PKP1: variants seen among roughly 807,000 people sequenced by gnomAD.
The protein encoded by PKP1 is plakophilin 1, also known as plakophilin-1.
In PKP1, 27 loss-of-function variants were observed where a neutral mutation model predicts 76.4. The ratio of observed to expected loss-of-function variants is 0.35; its 90% CI spans 0.26 to 0.49. The LOEUF (loss-of-function observed/expected upper bound fraction) is 0.49, where lower values mean the gene tolerates loss of function less well. Ranked by LOEUF, PKP1 falls within the 20% of genes least tolerant of loss-of-function variation. PKP1 has a pLI of 0.99. For missense variants in PKP1, 964 were observed against 955.2 expected (o/e 1.01, Z -0.12); for synonymous variants, 404 against 384.2 (o/e 1.05, Z -0.60).
chr1:201,284,546 G>A (rs1011767971), intron 1 of PKP1, among the ~76,000 whole-genome samples: 6 of 152,224 alleles, frequency 3.9e-5, no homozygotes, highest in Non-Finnish European at 8.8e-5. Flanking sequence ...GAGCAGGGAC[G>A]AGGGCCTGGA....
chr1:201,302,784 G>A (rs993032669), intron 2 of PKP1, among the ~76,000 whole-genome samples: 2 of 152,186 alleles, frequency 1.3e-5, no homozygotes, highest in Admixed American at 6.5e-5. Context: ...GCCCAAGGGC[G>A]AGGCCTGGAA....
At position 201,298,178 on chromosome 1, in the gene PKP1, T is replaced by C. The variant is rs10920166; in HGVS notation, c.306+4133T>C. Among the ~76,000 whole-genome samples the C allele has an allele frequency of 8.9e-3, 1,354 of 152,306 alleles. 22 individuals are homozygous for C. Among genetic ancestry groups the C allele is most frequent in the African/African-American group, 0.031 (1,277 of 41,558 alleles). ...TCTGGTGAGAAAAGGAGGATTTTTGTCCCATCTTAGTTGTCCTTGTAATAT... is the reference window on the plus strand; with the variant it reads ...TCTGGTGAGAAAAGGAGGATTTTTGCCCCATCTTAGTTGTCCTTGTAATAT... On this transcript the variant is annotated intron_variant, in intron 2 of 13. Coordinates refer to ENST00000367324, the MANE Select transcript of PKP1 (RefSeq NM_001005337.3).
Position 201,320,325 on chromosome 1 carries a change from G to T in PKP1, c.1291G>T (p.Asp431Tyr). Residue 431 changes from aspartate (D) to tyrosine (Y), a missense_variant, in exon 7 of 14, where the codon GAT (aspartate) becomes TAT (tyrosine). Transcript: ENST00000367324. The stretch of plus-strand genomic sequence containing the variant: ...CATGCGTAACTACTCAGGGCTCATT[G>T]ATTCCCTCATGGCCTATGTCCAGAA... ...QTMRNYSGLI[D>Y]SLMAYVQNCV... The T allele has an allele frequency of 6.2e-7, 1 of 1,614,112 alleles. No homozygotes were observed. Among genetic ancestry groups the T allele is most frequent in the Non-Finnish European group, 8.5e-7 (1 of 1,179,994 alleles).
At chr1:201,323,887 G>A (rs561549027) in intron 9 of PKP1, among the ~76,000 whole-genome samples, 79 of 152,236 alleles carry the variant, frequency 5.2e-4, no homozygotes, top group Non-Finnish European at 9.4e-4. Flanking sequence ...AGGCCTGGGC[G>A]AACTGGCCTA....
At chr1:201,314,240 T>C (rs860555) in intron 3 of PKP1, among the ~76,000 whole-genome samples, 138,196 of 152,204 alleles carry the variant, frequency 0.91, 63,028 homozygotes, top group East Asian at 1. Context: ...GGGTAGAGGG[T>C]GCTTGAGCTC....
chr1:201,283,622 C>T lies in PKP1; in HGVS notation c.-81C>T. On this transcript the variant is annotated 5_prime_UTR_variant, in exon 1 of 14. Transcript: ENST00000367324. ...CGCTGAGAGCGAGAAGAGCACGCTC[C>T]TGCCCGCCCGCTGCACCGCACCTCG... 1 of 1,275,626 alleles carries T rather than the reference C, an allele frequency of 7.8e-7. No homozygotes were observed. Among genetic ancestry groups the T allele is most frequent in the East Asian group, 2.5e-5 (1 of 39,876 alleles). The allele number at this position is 1,275,626 out of a possible 1,614,324, so 79.0% of individuals were successfully genotyped here. A position where few individuals can be genotyped will look rare whatever the true frequency, so the allele number is the denominator to read the frequency against.
At chr1:201,308,220 C>G (rs530040817) in intron 2 of PKP1, among the ~76,000 whole-genome samples, 1 of 152,352 alleles carries the variant, frequency 6.6e-6, no homozygotes, top group African/African-American at 2.4e-5. Context: ...CTCACCCTGC[C>G]TAGAACGGCC....
chr1:201,290,862 C>G (rs574342334), intron 1 of PKP1, among the ~76,000 whole-genome samples: 1 of 152,308 alleles, frequency 6.6e-6, no homozygotes, highest in East Asian at 1.9e-4. Flanking sequence ...CGTCATTCAT[C>G]AGGAAAGGCT....
rs1350014394 is a variant in PKP1 at position 201,325,832 on chromosome 1, C to T, written c.2100C>T (p.Leu700=). ...CCAGCAAGGAACTGCAGGGTGTCCTCAGACAGGTAAGAGCCCAGGACATCA... is the reference window on the plus strand; with the variant it reads ...CCAGCAAGGAACTGCAGGGTGTCCTTAGACAGGTAAGAGCCCAGGACATCA... The part of the protein sequence containing the change: ...MWSSKELQGV[L]RQQGFDRNML... The change falls in exon 12 of 14, where the codon CTC becomes CTT. Residue 700 remains leucine (L), a synonymous_variant. Coordinates refer to ENST00000367324, the MANE Select transcript of PKP1 (RefSeq NM_001005337.3). 5.6e-6 allele frequency: 9 copies of T among 1,612,762 alleles called. No individual in the cohort carries two copies. The highest frequency in any genetic ancestry group is 7.6e-6 in the Non-Finnish European group (9 of 1,178,818).
chr1:201,316,121 TGGACGGACGGACGGACGGATGGAC>T (rs1271641149), intron 3 of PKP1: 1 of 133,996 alleles, frequency 7.5e-6, no homozygotes, highest in Non-Finnish European at 1.6e-5. Context: ...GATGGACGGA[TGGACGGACGGACGGACGGATGGAC>T]GGACGGATGG....
At chr1:201,317,268 G>A (rs1410836475) in intron 4 of PKP1, among the ~76,000 whole-genome samples, 1 of 152,134 alleles carries the variant, frequency 6.6e-6, no homozygotes, top group Non-Finnish European at 1.5e-5. Context: ...CTCTTATCAG[G>A]TCCTCACCAT....
chr1:201,312,935 A>G (rs1183139980), intron 2 of PKP1, among the ~76,000 whole-genome samples: 1 of 152,198 alleles, frequency 6.6e-6, no homozygotes, highest in Non-Finnish European at 1.5e-5. Flanking sequence ...CCATCTTTTT[A>G]AAAATGATGG....
rs1212802211 is a variant in PKP1 at position 201,317,746 on chromosome 1, A to G, written c.1021A>G (p.Thr341Ala). ...CGAGGCAGTCAGCCTCCTGAGGAGA[A>G]CCGGGAACGCCGAGATCCAGAAGCA... ...IREAVSLLRR[T>A]GNAEIQKQLT... Residue 341 changes from threonine to alanine, a missense_variant, in exon 5 of 14, where the codon ACC becomes GCC. By Grantham distance (58) the Thr-to-Ala change is moderately conservative. Coordinates refer to ENST00000367324, the MANE Select transcript of PKP1 (RefSeq NM_001005337.3). 1 of 1,613,594 alleles carries G rather than the reference A, an allele frequency of 6.2e-7. No individual in the cohort carries two copies. The highest frequency in any genetic ancestry group is 2.2e-5 in the East Asian group (1 of 44,828).
At chr1:201,314,191 G>A (rs1458907722) in intron 3 of PKP1, among the ~76,000 whole-genome samples, 1 of 152,222 alleles carries the variant, frequency 6.6e-6, no homozygotes, top group Non-Finnish European at 1.5e-5. Context: ...GGTGGCTCAC[G>A]CCTGTAATCC....
At position 201,327,874 on chromosome 1, in the gene PKP1, T is replaced by G. The variant is rs531708335; in HGVS notation, c.2107-888T>G. ...CATTTTGCTGAATAGGGAATCAGGG[T>G]CCAAGGAGTTTGTCTTGATTCAGTG... On this transcript the variant is annotated intron_variant, in intron 12 of 13. Transcript: ENST00000367324. 4.6e-5 allele frequency among the ~76,000 whole-genome samples: 7 copies of G among 152,062 alleles called. No individual in the cohort carries two copies. The South Asian group carries it at 1.5e-3, about 32-fold the overall frequency.
intron 1 of PKP1, among the ~76,000 whole-genome samples, chr1:201,289,688 GCACACA>G (rs3057891): frequency 0.035 from 5,083 of 145,008 alleles, 255 homozygotes; most frequent in African/African-American, 0.11. Flanking sequence ...TGGGAGGAGT[GCACACA>G]CACACACACA....
chr1:201,309,149 T>A (rs1201197548), intron 2 of PKP1, among the ~76,000 whole-genome samples: 1 of 151,998 alleles, frequency 6.6e-6, no homozygotes, highest in Non-Finnish European at 1.5e-5. Flanking sequence ...ATCTGGGGCT[T>A]GTATTGCTTC....
chr1:201,309,750 T>C (rs1656481235), intron 2 of PKP1, among the ~76,000 whole-genome samples: 1 of 152,198 alleles, frequency 6.6e-6, no homozygotes, highest in South Asian at 2.1e-4. Context: ...TGGAAGACAG[T>C]GTTTGGAAAC....
In PKP1 at chr1:201,293,929, C is replaced by T; in HGVS notation, c.203-13C>T. ...TGGCCATCCCTGTCCTAATCCCCTC[C>T]TTTCTCCTCTAGGTTCCATGTATGA... On this transcript the variant is annotated splice_polypyrimidine_tract_variant and intron_variant, in intron 1 of 13. Transcript: ENST00000367324. The T allele has an allele frequency of 2.5e-6, 4 of 1,586,458 alleles. No homozygotes were observed. The highest frequency in any genetic ancestry group is 1.1e-5 in the South Asian group (1 of 89,298).
Sources: gnomAD v4.1 joint callset for allele counts (sites outside exome capture counted in the v4.1 genomes callset) on GRCh38, gnomAD v4.1.1 for gene constraint, MANE v1.5 for transcripts, NCBI Gene and HGNC (gene_info 2026-07-23, HGNC 2026-07-21) for gene names.